Variants in MALRD1 observed in about 807,000 individuals in gnomAD.
The protein encoded by MALRD1 is MAM and LDL-receptor class A domain-containing protein 1.
MALRD1 carries 247 observed loss-of-function variants against 242.1 expected under a neutral mutation model. The observed-to-expected ratio is 1.02, with a 90% confidence interval of 0.92 to 1.13. The LOEUF is 1.13. Ranked by LOEUF, MALRD1 falls within the 50% of genes most tolerant of loss-of-function variation. The pLI is 0.00. For synonymous variants in MALRD1, 995 were observed against 866.6 expected (o/e 1.15, Z -2.60); for missense variants, 2,989 against 2,533.1 (o/e 1.18, Z -3.86).
chr10:19,587,655 C>G (rs954411912), intron 33 of MALRD1, among the ~76,000 whole-genome samples: 2 of 152,192 alleles, frequency 1.3e-5, no homozygotes, highest in Non-Finnish European at 2.9e-5. Flanking sequence ...AACAATGAAA[C>G]TTAACGTCTT....
intron 38 of MALRD1, among the ~76,000 whole-genome samples, chr10:19,714,381 G>A (rs1464520827): frequency 3.9e-5 from 6 of 152,092 alleles, no homozygotes; most frequent in Admixed American, 6.5e-5. Flanking sequence ...GCCTGCCAGC[G>A]TCTACCGGCT....
intron 28 of MALRD1, among the ~76,000 whole-genome samples, chr10:19,407,230 G>A (rs895011683): frequency 4.6e-5 from 7 of 152,140 alleles, no homozygotes; most frequent in African/African-American, 1.4e-4. Flanking sequence ...AGCATTTTGG[G>A]AAGCTGAGGC....
chr10:19,129,170 G>T (rs996796303), intron 8 of MALRD1, among the ~76,000 whole-genome samples: 2 of 151,962 alleles, frequency 1.3e-5, no homozygotes, highest in East Asian at 1.9e-4. Flanking sequence ...TCTCAGGCCC[G>T]CAAGACTACC....
At chr10:19,223,106 T>C (rs2484093) in intron 18 of MALRD1, among the ~76,000 whole-genome samples, 1 of 152,126 alleles carries the variant, frequency 6.6e-6, no homozygotes, top group Non-Finnish European at 1.5e-5. Context: ...AAAAGTGGCA[T>C]ATTGACAATT....
intron 1 of MALRD1, among the ~76,000 whole-genome samples, chr10:19,051,091 T>G (rs1834479728): frequency 6.6e-6 from 1 of 152,220 alleles, no homozygotes; most frequent in African/African-American, 2.4e-5. Flanking sequence ...GGCATTTTAT[T>G]TAAAATGTGG....
At chr10:19,317,276 T>G (rs558651534) in intron 21 of MALRD1, among the ~76,000 whole-genome samples, 2 of 152,002 alleles carry the variant, frequency 1.3e-5, no homozygotes, top group East Asian at 3.9e-4. Flanking sequence ...AGCTGTGTTT[T>G]CCCATGGTGG....
intron 33 of MALRD1, among the ~76,000 whole-genome samples, chr10:19,577,322 A>T (rs1345783294): frequency 3.3e-5 from 5 of 152,176 alleles, no homozygotes; most frequent in Admixed American, 6.6e-5. Context: ...TTGTCAAAAG[A>T]TGGGTTAATT....
At chr10:19,655,757 T>C (rs991456391) in intron 36 of MALRD1, among the ~76,000 whole-genome samples, 2 of 151,990 alleles carry the variant, frequency 1.3e-5, no homozygotes, top group Non-Finnish European at 2.9e-5. Context: ...ATTTACCTTC[T>C]GCCAATTTCT....
At chr10:19,494,978 C>CT (rs199627839) in intron 30 of MALRD1, among the ~76,000 whole-genome samples, 23,817 of 143,650 alleles carry the variant, frequency 0.17, 3,522 homozygotes, top group African/African-American at 0.41. Context: ...ATAATCATCA[C>CT]TTTTTTTTTT....
intron 36 of MALRD1, among the ~76,000 whole-genome samples, chr10:19,634,034 T>G (rs983656822): frequency 1.3e-5 from 2 of 151,842 alleles, no homozygotes; most frequent in African/African-American, 4.8e-5. Context: ...AGAAATGGTG[T>G]TTTGCCATGT....
intron 4 of MALRD1, among the ~76,000 whole-genome samples, chr10:19,099,528 G>A (rs1836171843): frequency 6.6e-6 from 1 of 152,012 alleles, no homozygotes; most frequent in South Asian, 2.1e-4. Flanking sequence ...GACTTCTGTG[G>A]TATAGGAACT....
intron 33 of MALRD1, among the ~76,000 whole-genome samples, chr10:19,587,691 A>T (rs549672692): frequency 1.3e-5 from 2 of 152,232 alleles, no homozygotes; most frequent in East Asian, 3.8e-4. Context: ...AACACCTACA[A>T]TATCAGGAAC....
chr10:19,703,067 T>C (rs73595900), intron 38 of MALRD1, among the ~76,000 whole-genome samples: 210 of 152,272 alleles, frequency 1.4e-3, no homozygotes, highest in African/African-American at 4.9e-3. Flanking sequence ...TGCCACCTAA[T>C]CTCTTAGTGT....
intron 13 of MALRD1, among the ~76,000 whole-genome samples, chr10:19,172,028 CACATATATGTG>C (rs2131531150): frequency 4.0e-5 from 1 of 25,200 alleles, no homozygotes; most frequent in East Asian, 1.6e-3. Context: ...TATCATATAT[CACATATATGTG>C]ATATATATCA....
chr10:19,127,452 T>C (rs924781229), intron 7 of MALRD1, among the ~76,000 whole-genome samples: 13 of 152,212 alleles, frequency 8.5e-5, no homozygotes, highest in Non-Finnish European at 5.9e-5. Context: ...GTTCTTGTTT[T>C]TGTCTTTCTT....
chr10:19,075,566 A>C (rs988916759), intron 2 of MALRD1, among the ~76,000 whole-genome samples: 1 of 152,082 alleles, frequency 6.6e-6, no homozygotes, highest in African/African-American at 2.4e-5. Context: ...AACAGCCAGC[A>C]AAGACGCAGG....
intron 21 of MALRD1, among the ~76,000 whole-genome samples, chr10:19,322,416 G>GAT (rs544614430): frequency 1.1e-3 from 161 of 152,134 alleles, no homozygotes; most frequent in African/African-American, 3.5e-3. Flanking sequence ...AAGAATGAAT[G>GAT]ATATATATAT....
At chr10:19,369,162 T>C (rs1845252316) in intron 26 of MALRD1, among the ~76,000 whole-genome samples, 2 of 109,888 alleles carry the variant, frequency 1.8e-5, no homozygotes, top group African/African-American at 7.1e-5. Flanking sequence ...TATAAACTAA[T>C]ATTTATATAT....
intron 14 of MALRD1, among the ~76,000 whole-genome samples, chr10:19,199,853 C>T (rs2131604413): frequency 7.0e-6 from 1 of 142,556 alleles, no homozygotes; most frequent in African/African-American, 2.7e-5. Flanking sequence ...AGGGACATGG[C>T]CAAGCACTGT....
Sources: gnomAD v4.1 joint callset for allele counts (sites outside exome capture counted in the v4.1 genomes callset) on GRCh38, gnomAD v4.1.1 for gene constraint, MANE v1.5 for transcripts, NCBI Gene and HGNC (gene_info 2026-07-23, HGNC 2026-07-21) for gene names.